Variants in SLC35F4 observed in about 807,000 individuals in gnomAD.
The protein encoded by SLC35F4 is chromosome 14 open reading frame 36.
Under a neutral mutation model 44.2 loss-of-function variants are expected in SLC35F4, and 24 were observed. The observed-to-expected ratio is 0.54, with a 90% CI of 0.39 to 0.76. The LOEUF is 0.76. Among genes scored for constraint, SLC35F4 ranks in the 30% least tolerant of loss-of-function variants. The pLI, the probability that SLC35F4 is intolerant of heterozygous loss-of-function variation, is 0.00. For missense variants in SLC35F4, 562 were observed against 586.1 expected, an observed-to-expected ratio of 0.96 and a Z score of 0.42; for synonymous variants, 238 against 223.6, an observed-to-expected ratio of 1.06 and a Z score of -0.57.
intron 1 of SLC35F4, among the ~76,000 whole-genome samples, chr14:57,671,444 C>A (rs1044679461): frequency 1.6e-4 from 24 of 152,034 alleles, no homozygotes; most frequent in Admixed American, 1.3e-4. Context: ...CTGTTTCAGG[C>A]CTTAGCTCCC....
At chr14:57,863,017 C>A (rs1887810110) in intron 1 of SLC35F4, among the ~76,000 whole-genome samples, 1 of 146,918 alleles carries the variant, frequency 6.8e-6, no homozygotes, top group Admixed American at 6.6e-5. Flanking sequence ...ATGCATTAAT[C>A]ATCTTTTTTA....
At chr14:57,764,906 G>T (rs1278649639) in intron 1 of SLC35F4, among the ~76,000 whole-genome samples, 1 of 152,296 alleles carries the variant, frequency 6.6e-6, no homozygotes, top group South Asian at 2.1e-4. Flanking sequence ...CTTTAAAGTA[G>T]TGATTTTCAA....
chr14:57,743,807 A>G (rs541358299), intron 1 of SLC35F4, among the ~76,000 whole-genome samples: 1 of 152,326 alleles, frequency 6.6e-6, no homozygotes, highest in African/African-American at 2.4e-5. Flanking sequence ...CCTGATGAAC[A>G]TCGATGCAAA....
chr14:57,617,761 C>T (rs887766928), intron 1 of SLC35F4, among the ~76,000 whole-genome samples: 3 of 152,250 alleles, frequency 2.0e-5, no homozygotes, highest in Non-Finnish European at 4.4e-5. Flanking sequence ...GCAAGCTTTC[C>T]TAGGGAAGTG....
At chr14:57,677,064 T>C (rs1275367184) in intron 1 of SLC35F4, among the ~76,000 whole-genome samples, 1 of 152,080 alleles carries the variant, frequency 6.6e-6, no homozygotes, top group African/African-American at 2.4e-5. Flanking sequence ...ATACACACTA[T>C]GGAATACTAC....
chr14:57,659,179 G>A (rs1442532727), intron 1 of SLC35F4, among the ~76,000 whole-genome samples: 1 of 152,154 alleles, frequency 6.6e-6, no homozygotes, highest in Non-Finnish European at 1.5e-5. Flanking sequence ...AGGAAGAAAG[G>A]TATGCCTGGT....
chr14:57,644,188 G>A (rs376465181), intron 1 of SLC35F4, among the ~76,000 whole-genome samples: 55 of 152,214 alleles, frequency 3.6e-4, no homozygotes, highest in African/African-American at 1.1e-3. Context: ...CTGAGGAATC[G>A]CCACACTGAC....
At chr14:57,791,136 G>C (rs1204983983) in intron 1 of SLC35F4, among the ~76,000 whole-genome samples, 2 of 152,152 alleles carry the variant, frequency 1.3e-5, no homozygotes, top group Non-Finnish European at 2.9e-5. Context: ...TGACAAATGG[G>C]ATCTAATTAA....
At chr14:57,736,725 G>T (rs762430932) in intron 1 of SLC35F4, among the ~76,000 whole-genome samples, 1 of 152,162 alleles carries the variant, frequency 6.6e-6, no homozygotes, top group Non-Finnish European at 1.5e-5. Flanking sequence ...TGGCAATATT[G>T]CAATTGCTCA....
At chr14:57,775,653 GA>G (rs1378089216) in intron 1 of SLC35F4, among the ~76,000 whole-genome samples, 2 of 152,122 alleles carry the variant, frequency 1.3e-5, no homozygotes, top group Non-Finnish European at 2.9e-5. Context: ...CCATCCAAAG[GA>G]AAGCAACTTC....
At chr14:57,898,842 A>T (rs1033223916) in intron 1 of SLC35F4, among the ~76,000 whole-genome samples, 6 of 152,228 alleles carry the variant, frequency 3.9e-5, no homozygotes, top group Non-Finnish European at 1.5e-5. Context: ...TTTTCTAGGA[A>T]TATCTTTCGA....
At chr14:57,691,548 G>T (rs2075231470) in intron 1 of SLC35F4, among the ~76,000 whole-genome samples, 1 of 152,124 alleles carries the variant, frequency 6.6e-6, no homozygotes, top group Non-Finnish European at 1.5e-5. Context: ...CTATGCAAAA[G>T]TAATATTAAT....
At chr14:57,935,706 T>C (rs1444727762) in intron 1 of SLC35F4, among the ~76,000 whole-genome samples, 1 of 152,224 alleles carries the variant, frequency 6.6e-6, no homozygotes, top group Non-Finnish European at 1.5e-5. Flanking sequence ...GTCATTGCCA[T>C]TACTTTACCA....
chr14:57,806,890 T>C lies in SLC35F4; in HGVS notation c.103+58833A>G, dbSNP rs141669317. 4.4e-3 allele frequency among the ~76,000 whole-genome samples: 669 copies of C among 152,340 alleles called. 6 individuals carry two copies. The highest frequency in any genetic ancestry group is 0.015 in the African/African-American group (617 of 41,590). On this transcript the variant is annotated intron_variant, in intron 1 of 7. Coordinates refer to ENST00000556826, the MANE Select transcript of SLC35F4 (RefSeq NM_001306087.2). ...TGGAAAAAATAAAGCTACTTCCTAC[T>C]TGGCTTTGTGGGGAATTGCTACTAA...
intron 1 of SLC35F4, among the ~76,000 whole-genome samples, chr14:57,905,401 G>T (rs1388647597): frequency 2.0e-5 from 3 of 152,200 alleles, no homozygotes; most frequent in African/African-American, 7.2e-5. Context: ...CAGTCATAAA[G>T]GTCAACCCTG....
chr14:57,698,486 A>G (rs73288234), intron 1 of SLC35F4, among the ~76,000 whole-genome samples: 4,201 of 152,298 alleles, frequency 0.028, 186 homozygotes, highest in African/African-American at 0.095. Context: ...GTGTGAAAAC[A>G]TATCATTTTA....
chr14:57,888,049 T>TC (rs1297659974), intron 1 of SLC35F4, among the ~76,000 whole-genome samples: 1 of 152,030 alleles, frequency 6.6e-6, no homozygotes, highest in Non-Finnish European at 1.5e-5. Flanking sequence ...CTTTTAAAAG[T>TC]CCCCCATGGA....
chr14:57,922,235 G>C (rs1395888485), intron 1 of SLC35F4, among the ~76,000 whole-genome samples: 1 of 152,200 alleles, frequency 6.6e-6, no homozygotes, highest in Non-Finnish European at 1.5e-5. Flanking sequence ...TACACCCAGA[G>C]AGGTTATTAA....
intron 1 of SLC35F4, among the ~76,000 whole-genome samples, chr14:57,808,006 A>G (rs1881540654): frequency 6.6e-6 from 1 of 151,696 alleles, no homozygotes; most frequent in Non-Finnish European, 1.5e-5. Flanking sequence ...TTTGAGACTT[A>G]TTCATTATCA....
Sources: allele counts gnomAD v4.1 joint callset (sites outside exome capture counted in the v4.1 genomes callset), GRCh38; gene constraint gnomAD v4.1.1; transcripts MANE v1.5; gene names NCBI Gene and HGNC (gene_info 2026-07-23, HGNC 2026-07-21).